ATP10B: variants seen among roughly 807,000 people sequenced by gnomAD.
ATP10B encodes the protein phospholipid-transporting ATPase VB.
Under a neutral mutation model 141.2 loss-of-function variants are expected in ATP10B, and 122 were observed. The observed-to-expected ratio is 0.86, with a 90% CI of 0.75 to 1.00. ATP10B has a LOEUF of 1.00. ATP10B is among the 50% of genes least tolerant of loss of function. ATP10B has a pLI of 0.00. For missense variants in ATP10B, 1,876 were observed against 1,825.3 expected (o/e 1.03, Z -0.51); for synonymous variants, 685 against 692.0 (o/e 0.99, Z 0.16).
chr5:160,701,326 T>A (rs905045262), intron 3 of ATP10B, among the ~76,000 whole-genome samples: 1 of 152,156 alleles, frequency 6.6e-6, no homozygotes, highest in Non-Finnish European at 1.5e-5. Context: ...TTTGTTATCC[T>A]CTCTTTTACA....
the ATP10B span, among the ~76,000 whole-genome samples, chr5:160,921,339 C>T: frequency 3.3e-5 from 5 of 151,566 alleles, no homozygotes; most frequent in Non-Finnish European, 7.4e-5. Context: ...AGAACTGCCT[C>T]ATTCTTTTTT....
chr5:160,709,760 C>G (rs1393777486), intron 3 of ATP10B, among the ~76,000 whole-genome samples: 1 of 65,116 alleles, frequency 1.5e-5, no homozygotes, highest in Admixed American at 1.3e-4. Context: ...CCCTCCCCCC[C>G]TCCCCCGACC....
chr5:160,601,476 A>G (rs1433742837), intron 21 of ATP10B, among the ~76,000 whole-genome samples: 1 of 152,234 alleles, frequency 6.6e-6, no homozygotes, highest in Non-Finnish European at 1.5e-5. Context: ...CCATTAGCCT[A>G]GCACGGTTCT....
the ATP10B span, among the ~76,000 whole-genome samples, chr5:160,904,504 C>T: frequency 3.0e-4 from 46 of 151,378 alleles, no homozygotes; most frequent in South Asian, 3.3e-3. Context: ...TCTGGGTGTG[C>T]GTGTGTATGT....
Position 160,644,205 on chromosome 5 carries a change from C to A in ATP10B, c.801G>T (p.Glu267Asp). 1.9e-6 allele frequency: 3 copies of A among 1,614,010 alleles called. No individual in the cohort carries two copies. The highest frequency in any genetic ancestry group is 2.5e-6 in the Non-Finnish European group (3 of 1,179,956). Reference sequence around the variant, plus strand: ...TGGTGCAGCCTCGAAGCAGAAGACTCTCACAGCCAAAGCCAGTCCTGGTCT... The same window carrying A: ...TGGTGCAGCCTCGAAGCAGAAGACTATCACAGCCAAAGCCAGTCCTGGTCT... ...PDQTRTGFGCESLLLRGCTIR... is the reference protein window; with the variant it reads ...PDQTRTGFGCDSLLLRGCTIR... Residue 267 changes from glutamate (E) to aspartate (D), a missense_variant, in exon 9 of 26, where the codon GAG (glutamate) becomes GAT (aspartate). Glu to Asp is a conservative substitution (Grantham distance 45). Transcript: ENST00000327245.
chr5:160,833,431 T>G (rs557841426), intron 1 of ATP10B, among the ~76,000 whole-genome samples: 1 of 152,294 alleles, frequency 6.6e-6, no homozygotes, highest in Non-Finnish European at 1.5e-5. Context: ...ATGATTAGAT[T>G]GACTCAACTC....
chr5:160,825,879 G>A (rs1468537880), intron 1 of ATP10B, among the ~76,000 whole-genome samples: 1 of 152,142 alleles, frequency 6.6e-6, no homozygotes, highest in Non-Finnish European at 1.5e-5. Flanking sequence ...TCAATGTTTA[G>A]CTCCAATTTA....
chr5:160,843,584 A>C (rs762203655), intron 1 of ATP10B, among the ~76,000 whole-genome samples: 5 of 152,144 alleles, frequency 3.3e-5, no homozygotes, highest in Non-Finnish European at 2.9e-5. Flanking sequence ...AGGAACTGAA[A>C]ATCTGCAGTT....
chr5:160,667,142 C>A (rs902041166), intron 7 of ATP10B, among the ~76,000 whole-genome samples: 2 of 152,090 alleles, frequency 1.3e-5, no homozygotes, highest in African/African-American at 4.8e-5. Flanking sequence ...GGCGTGAACC[C>A]GGGAGGCGGA....
intron 6 of ATP10B, among the ~76,000 whole-genome samples, chr5:160,672,765 T>G (rs747796308): frequency 2.6e-5 from 4 of 152,246 alleles, no homozygotes; most frequent in Non-Finnish European, 5.9e-5. Flanking sequence ...ACACATCTAC[T>G]CTTCCACAGA....
the ATP10B span, among the ~76,000 whole-genome samples, chr5:160,892,724 G>A: frequency 7.9e-5 from 12 of 152,108 alleles, no homozygotes; most frequent in African/African-American, 2.9e-4. Flanking sequence ...AGTAAAAAAC[G>A]ATAATAAGAG....
intron 1 of ATP10B, among the ~76,000 whole-genome samples, chr5:160,814,998 A>T (rs1773495253): frequency 6.6e-6 from 1 of 152,202 alleles, no homozygotes; most frequent in Non-Finnish European, 1.5e-5. Context: ...CTAAACATGG[A>T]AAGGAAAAAC....
intron 2 of ATP10B, among the ~76,000 whole-genome samples, chr5:160,735,915 G>A (rs1350367702): frequency 6.6e-6 from 1 of 151,576 alleles, no homozygotes; most frequent in Non-Finnish European, 1.5e-5. Flanking sequence ...AAGAAATTAA[G>A]GAAATTAAAA....
intron 7 of ATP10B, among the ~76,000 whole-genome samples, chr5:160,656,170 A>T (rs886219122): frequency 4.6e-5 from 7 of 152,212 alleles, no homozygotes; most frequent in Non-Finnish European, 8.8e-5. Context: ...AAATATATGA[A>T]TGATCTTTTG....
chr5:160,834,117 G>A (rs1775275902), intron 1 of ATP10B, among the ~76,000 whole-genome samples: 4 of 151,996 alleles, frequency 2.6e-5, no homozygotes, highest in Admixed American at 2.6e-4. Context: ...TTGAGGCCAG[G>A]AGTTTGAGAA....
intron 11 of ATP10B, among the ~76,000 whole-genome samples, chr5:160,635,320 G>C (rs1001676022): frequency 1.3e-5 from 2 of 152,092 alleles, no homozygotes; most frequent in African/African-American, 4.8e-5. Context: ...GGGAGTAATA[G>C]GGAGCAGGCC....
At chr5:160,769,858 GAA>G (rs1417928142) in intron 2 of ATP10B, among the ~76,000 whole-genome samples, 1 of 152,156 alleles carries the variant, frequency 6.6e-6, no homozygotes, top group Non-Finnish European at 1.5e-5. Context: ...CCTGAAATCA[GAA>G]AAAGTCAGAC....
intron 3 of ATP10B, among the ~76,000 whole-genome samples, chr5:160,698,178 T>C (rs1366861639): frequency 6.6e-6 from 1 of 152,160 alleles, no homozygotes; most frequent in African/African-American, 2.4e-5. Flanking sequence ...TCTTGGATTC[T>C]CTCCAAAATT....
At chr5:160,621,173 A>G (rs1014710461) in intron 14 of ATP10B, among the ~76,000 whole-genome samples, 3 of 152,236 alleles carry the variant, frequency 2.0e-5, no homozygotes, top group Admixed American at 6.5e-5. Context: ...TCAGAAACTC[A>G]TAGTAAGGGT....
Sources: gnomAD v4.1 joint callset for allele counts (sites outside exome capture counted in the v4.1 genomes callset) on GRCh38, gnomAD v4.1.1 for gene constraint, MANE v1.5 for transcripts, NCBI Gene and HGNC (gene_info 2026-07-23, HGNC 2026-07-21) for gene names.